Variants in IL1RAPL2 observed in about 807,000 individuals in gnomAD.
The protein encoded by IL1RAPL2 is interleukin 1 receptor accessory protein like 2.
In IL1RAPL2, 3 loss-of-function variants were observed where a neutral mutation model predicts 44.1. That is an observed-to-expected ratio of 0.07 (90% CI 0.03 to 0.18). The LOEUF (loss-of-function observed/expected upper bound fraction) is 0.18, where lower values mean the gene tolerates loss of function less well. IL1RAPL2 is among the 10% of genes least tolerant of loss of function. The pLI is 1.00. For synonymous variants in IL1RAPL2, 181 were observed against 178.8 expected (o/e 1.01, Z -0.10); for missense variants, 391 against 496.4 (o/e 0.79, Z 2.02).
chrX:104,801,442 TG>T (rs1932884658), intron 2 of IL1RAPL2, among the ~76,000 whole-genome samples: 1 of 263 alleles, frequency 3.8e-3, no homozygotes. Context: ...TAGTTGTTGT[TG>T]TTTTTTTTTT....
intron 2 of IL1RAPL2, among the ~76,000 whole-genome samples, chrX:104,895,096 C>T (rs1329009411): frequency 8.9e-6 from 1 of 112,349 alleles, no homozygotes; most frequent in Non-Finnish European, 1.9e-5. Flanking sequence ...GGCTGCAGAA[C>T]AGCGAATATT....
At chrX:105,078,594 T>C (rs2032349361) in intron 2 of IL1RAPL2, among the ~76,000 whole-genome samples, 1 of 112,503 alleles carries the variant, frequency 8.9e-6, no homozygotes, top group Non-Finnish European at 1.9e-5. Context: ...GCAGACGTTA[T>C]TGCTGTCTTT....
chrX:104,790,182 C>T (rs1322802474), intron 2 of IL1RAPL2, among the ~76,000 whole-genome samples: 1 of 112,029 alleles, frequency 8.9e-6, no homozygotes, highest in South Asian at 3.7e-4. Flanking sequence ...CACAACCTGA[C>T]CAAAGCTAGG....
intron 2 of IL1RAPL2, among the ~76,000 whole-genome samples, chrX:104,915,470 T>C (rs1449683329): frequency 1.8e-5 from 2 of 111,769 alleles, no homozygotes; most frequent in Non-Finnish European, 3.8e-5. Flanking sequence ...ATATTAGCCC[T>C]TTGTCAGATG....
At chrX:105,115,775 T>C (rs1292202694) in intron 2 of IL1RAPL2, among the ~76,000 whole-genome samples, 1 of 112,939 alleles carries the variant, frequency 8.9e-6, no homozygotes. Context: ...GGGCGGTTGA[T>C]GGGACTGGGC....
intron 2 of IL1RAPL2, among the ~76,000 whole-genome samples, chrX:105,169,643 C>T (rs1251797878): frequency 2.8e-5 from 3 of 106,721 alleles, no homozygotes; most frequent in Non-Finnish European, 5.8e-5. Flanking sequence ...ATTCTCATGC[C>T]TCAGCCTCCC....
At chrX:104,947,286 G>C (rs1374236001) in intron 2 of IL1RAPL2, among the ~76,000 whole-genome samples, 6 of 104,625 alleles carry the variant, frequency 5.7e-5, no homozygotes, top group Non-Finnish European at 1.2e-4. Flanking sequence ...TTGTAAATTT[G>C]TTGGAGTTCA....
intron 6 of IL1RAPL2, among the ~76,000 whole-genome samples, chrX:105,564,314 A>G (rs906287586): frequency 2.7e-5 from 3 of 111,923 alleles, no homozygotes; most frequent in Admixed American, 9.5e-5. Flanking sequence ...TTGTGATTTC[A>G]GGAATTGGCA....
chrX:105,173,645 C>G (rs1048338704), intron 2 of IL1RAPL2, among the ~76,000 whole-genome samples: 1 of 111,140 alleles, frequency 9.0e-6, no homozygotes, highest in African/African-American at 3.3e-5. Flanking sequence ...TTGGTTTTAC[C>G]CTCTAGAGCT....
chrX:104,972,972 C>G (rs1395373170), intron 2 of IL1RAPL2, among the ~76,000 whole-genome samples: 3 of 111,779 alleles, frequency 2.7e-5, no homozygotes, highest in South Asian at 3.7e-4. Flanking sequence ...GTTTAATCCT[C>G]GATAGTTGTA....
At chrX:104,644,775 C>T (rs1410876690) in intron 1 of IL1RAPL2, among the ~76,000 whole-genome samples, 1 of 111,091 alleles carries the variant, frequency 9.0e-6, no homozygotes, top group African/African-American at 3.3e-5. Context: ...AACCTTCTGC[C>T]ATATGCTTAC....
At chrX:104,722,386 A>G (rs1050596363) in intron 2 of IL1RAPL2, among the ~76,000 whole-genome samples, 15 of 111,935 alleles carry the variant, frequency 1.3e-4, no homozygotes, top group Non-Finnish European at 2.8e-4. Context: ...CATGGGTCAT[A>G]TATAGAAACA....
At chrX:104,864,956 G>C (rs1922579505) in intron 2 of IL1RAPL2, among the ~76,000 whole-genome samples, 1 of 111,220 alleles carries the variant, frequency 9.0e-6, no homozygotes, top group Admixed American at 9.6e-5. Context: ...TTTAGCTCAG[G>C]TCCGACTTAC....
intron 1 of IL1RAPL2, among the ~76,000 whole-genome samples, chrX:104,641,235 T>C (rs1425345540): frequency 9.0e-6 from 1 of 111,376 alleles, no homozygotes; most frequent in Non-Finnish European, 1.9e-5. Context: ...TATTATGCCT[T>C]TGGGAGGAGT....
At chrX:104,707,148 G>C (rs1931375511) in intron 2 of IL1RAPL2, among the ~76,000 whole-genome samples, 1 of 111,172 alleles carries the variant, frequency 9.0e-6, no homozygotes, top group Non-Finnish European at 1.9e-5. Context: ...AAGGGACTTT[G>C]GCAGATATCA....
At chrX:104,632,054 A>C (rs1420654999) in intron 1 of IL1RAPL2, among the ~76,000 whole-genome samples, 1 of 111,553 alleles carries the variant, frequency 9.0e-6, no homozygotes, top group Non-Finnish European at 1.9e-5. Flanking sequence ...TCAGCTTTCT[A>C]CATATGGCTA....
chrX:105,079,858 A>T (rs1331828722), intron 2 of IL1RAPL2, among the ~76,000 whole-genome samples: 1 of 111,211 alleles, frequency 9.0e-6, no homozygotes, highest in Non-Finnish European at 1.9e-5. Context: ...CCTCTCCAGC[A>T]TCTGTTGTTT....
chrX:104,954,698 G>T (rs1291184909), intron 2 of IL1RAPL2, among the ~76,000 whole-genome samples: 1 of 111,898 alleles, frequency 8.9e-6, no homozygotes, highest in Non-Finnish European at 1.9e-5. Flanking sequence ...CGCCACACCT[G>T]AGTAATTTCA....
intron 2 of IL1RAPL2, among the ~76,000 whole-genome samples, chrX:104,896,004 G>T (rs1328025758): frequency 1.8e-5 from 2 of 112,066 alleles, no homozygotes; most frequent in Non-Finnish European, 3.8e-5. Context: ...GCTGAGAAAG[G>T]AGGACTCTGC....
Sources: allele counts gnomAD v4.1 joint callset (sites outside exome capture counted in the v4.1 genomes callset), GRCh38; gene constraint gnomAD v4.1.1; transcripts MANE v1.5; gene names NCBI Gene and HGNC (gene_info 2026-07-23, HGNC 2026-07-21).